CASTOR2: variants seen among roughly 807,000 people sequenced by gnomAD.
The protein encoded by CASTOR2 is GATS protein like 2.
Under a neutral mutation model 31.2 loss-of-function variants are expected in CASTOR2, and 8 were observed. That is an observed-to-expected ratio of 0.26 (90% confidence interval 0.15 to 0.46). The LOEUF (loss-of-function observed/expected upper bound fraction) is 0.46. Ranked by LOEUF, CASTOR2 falls within the 20% of genes least tolerant of loss-of-function variation. The pLI, the probability that CASTOR2 is intolerant of heterozygous loss-of-function variation, is 0.99. For synonymous variants in CASTOR2, 162 were observed against 158.7 expected, an observed-to-expected ratio of 1.02 and a Z score of -0.16; for missense variants, 216 against 382.1, an observed-to-expected ratio of 0.57 and a Z score of 3.62.
Position 75,007,869 on chromosome 7 carries a change from A to G in CASTOR2, c.114-125A>G, listed in dbSNP as rs1197354062. On this transcript the variant is annotated intron_variant, in intron 1 of 8. Transcript: ENST00000616305. The stretch of plus-strand genomic sequence containing the variant: ...AGAGATAAACAACTTACCCGCGGTC[A>G]CCCCAGCAGCCTGGGGCCGGAACTC... 2.5e-4 allele frequency: 341 copies of G among 1,352,036 alleles called. 1 individual carries two copies. The highest frequency in any genetic ancestry group is 9.0e-4 in the Middle Eastern group (5 of 5,582). 83.8% of individuals were successfully genotyped at this position (1,352,036 alleles called of 1,614,324 possible). A position where few individuals can be genotyped will look rare whatever the true frequency, so the allele number is the denominator to read the frequency against.
chr7:74,999,057 G>A (rs1415765469), intron 1 of CASTOR2, among the ~76,000 whole-genome samples: 8 of 151,696 alleles, frequency 5.3e-5, no homozygotes, highest in Admixed American at 2.6e-4. Context: ...GTGCAGTGGC[G>A]CGATCTCAGC....
intron 2 of CASTOR2, among the ~76,000 whole-genome samples, chr7:75,008,867 T>A (rs1420731250): frequency 6.6e-6 from 1 of 152,134 alleles, no homozygotes; most frequent in Non-Finnish European, 1.5e-5. Flanking sequence ...GGAGGATTGC[T>A]TAAACCCAGG....
Position 75,024,421 on chromosome 7 carries a change from A to G in CASTOR2, c.830-19A>G. The G allele has an allele frequency of 6.4e-7, 1 of 1,551,464 alleles. No homozygotes were observed. On this transcript the variant is annotated intron_variant, in intron 7 of 8. Coordinates refer to ENST00000616305, the MANE Select transcript of CASTOR2 (RefSeq NM_001145064.3). ...TAGCCAGGTTACACAGAGGCTAAGG[A>G]CGGTCTCTCCTGTTCTAGATGAGTG...
At chr7:75,001,061 G>A (rs1441135909) in intron 1 of CASTOR2, among the ~76,000 whole-genome samples, 9 of 152,158 alleles carry the variant, frequency 5.9e-5, no homozygotes, top group African/African-American at 2.2e-4. Flanking sequence ...TGACCCTGCA[G>A]GAATCAAGCC....
intron 5 of CASTOR2, among the ~76,000 whole-genome samples, chr7:75,019,617 G>A (rs2131955471): frequency 6.6e-6 from 1 of 152,326 alleles, no homozygotes; most frequent in South Asian, 2.1e-4. Context: ...ACTCCCCACT[G>A]AGCTCCGAGG....
intron 1 of CASTOR2, among the ~76,000 whole-genome samples, chr7:74,972,610 ATTCGTGTTCCTACATGCAGG>A (rs1803701591): frequency 6.7e-6 from 1 of 149,796 alleles, no homozygotes; most frequent in Non-Finnish European, 1.5e-5. Context: ...GCACTGGGTC[ATTCGTGTTCCTACATGCAGG>A]AAATCTTGCA....
At chr7:74,967,558 T>G (rs1803594313) in intron 1 of CASTOR2, among the ~76,000 whole-genome samples, 1 of 120,292 alleles carries the variant, frequency 8.3e-6, no homozygotes, top group Non-Finnish European at 1.8e-5. Context: ...TTTTTTTTTT[T>G]TTTTGAGACT....
intron 1 of CASTOR2, among the ~76,000 whole-genome samples, chr7:74,994,040 C>G (rs1283715150): frequency 6.6e-6 from 1 of 152,220 alleles, no homozygotes; most frequent in Non-Finnish European, 1.5e-5. Flanking sequence ...GGGCCTCACT[C>G]TGTGGGCTTA....
chr7:75,012,071 C>T (rs1165758369), intron 2 of CASTOR2, among the ~76,000 whole-genome samples: 3 of 151,986 alleles, frequency 2.0e-5, no homozygotes, highest in South Asian at 2.1e-4. Context: ...CAAGCCAGGA[C>T]GGAAAGTAGG....
intron 2 of CASTOR2, among the ~76,000 whole-genome samples, chr7:75,016,819 T>C (rs1804873528): frequency 6.6e-6 from 1 of 152,222 alleles, no homozygotes; most frequent in Admixed American, 6.5e-5. Flanking sequence ...TCCTGTGTCA[T>C]CTGAGGGCCT....
intron 1 of CASTOR2, among the ~76,000 whole-genome samples, chr7:74,986,764 G>A (rs1804076141): frequency 6.6e-6 from 1 of 152,186 alleles, no homozygotes; most frequent in Non-Finnish European, 1.5e-5. Flanking sequence ...CAAATGGTTT[G>A]GCCAGGTGCA....
rs1359419026 is a variant in CASTOR2, at chr7:75,018,118, G to T, written c.507G>T (p.Lys169Asn). 5 of 1,613,890 alleles carry T rather than the reference G, an allele frequency of 3.1e-6. No individual in the cohort carries two copies. The African/African-American group carries it at 5.3e-5, about 17-fold the overall frequency. The change falls in exon 4 of 9, where the codon AAG (lysine) becomes AAT (asparagine). Residue 169 changes from lysine (K) to asparagine (N), a missense_variant. Physicochemically the swap from Lys to Asn is moderately conservative, Grantham distance 94. This residue lies in a region of CASTOR2 where 114 missense variants were observed against 194.2 expected (regional missense o/e 0.59). Coordinates refer to ENST00000616305, the MANE Select transcript of CASTOR2 (RefSeq NM_001145064.3). ...LGITNGFVKP[K>N]LVQRPVIHPL... is the part of the protein sequence containing the mutation. ...TCACCAATGGCTTCGTGAAGCCCAA[G>T]CTGGGTGAGCTGGGGGCGGGGGTTT...
At position 75,031,414 on chromosome 7, in the gene CASTOR2, A is replaced by G. The variant is rs1805301443; in HGVS notation, c.*6715A>G. Among the ~76,000 whole-genome samples the G allele has an allele frequency of 6.6e-6, 1 of 152,142 alleles. No homozygotes were observed. The highest frequency in any genetic ancestry group is 1.9e-4 in the East Asian group (1 of 5,202). On this transcript the variant is annotated 3_prime_UTR_variant, in exon 9 of 9. Transcript: ENST00000616305. ...CTTATTTTCTTGTTGAAGAAACACA[A>G]AACCCTCGAGATTCATGTACTGTAT...
At chr7:74,988,838 C>T (rs1294137633) in intron 1 of CASTOR2, among the ~76,000 whole-genome samples, 19 of 149,344 alleles carry the variant, frequency 1.3e-4, no homozygotes, top group South Asian at 8.4e-4. Context: ...TGGCAGCCTG[C>T]GATCTTCTGA....
Position 75,024,839 on chromosome 7 carries a change from T to A in CASTOR2, c.*140T>A, listed in dbSNP as rs1805084364. On this transcript the variant is annotated 3_prime_UTR_variant, in exon 9 of 9. Transcript: ENST00000616305. ...GGCCTCTGTGGGAGACTCCCTCGAT[T>A]GCCAATCCCTCCAGGGCAGGGGCCC... 6.5e-7 allele frequency: 1 copy of A among 1,543,514 alleles called. No individual in the cohort carries two copies. Among genetic ancestry groups the A allele is most frequent in the African/African-American group, 1.4e-5 (1 of 72,680 alleles).
chr7:75,019,950 G>A (rs1804954342), intron 5 of CASTOR2, 89 bp from the exon 6 acceptor site: 4 of 1,269,520 alleles, frequency 3.2e-6, no homozygotes, highest in Non-Finnish European at 4.4e-6. Context: ...TGGCATCAAA[G>A]CCTGGGCAGG....
chr7:74,997,238 T>A (rs1282372884), intron 1 of CASTOR2, among the ~76,000 whole-genome samples: 1 of 151,936 alleles, frequency 6.6e-6, no homozygotes, highest in African/African-American at 2.4e-5. Flanking sequence ...TTTTAGATTA[T>A]TTTTTGTAGA....
intron 2 of CASTOR2, among the ~76,000 whole-genome samples, chr7:75,015,076 G>A (rs1384705313): frequency 6.6e-6 from 1 of 152,194 alleles, no homozygotes; most frequent in Non-Finnish European, 1.5e-5. Flanking sequence ...CTCAGCCAGC[G>A]GGACCAATGG....
In CASTOR2 at chr7:75,024,660, C is replaced by T; in HGVS notation, c.951C>T (p.Val317=). 12 of 1,551,646 alleles carry T rather than the reference C, an allele frequency of 7.7e-6. No individual in the cohort carries two copies. Among genetic ancestry groups the T allele is most frequent in the Non-Finnish European group, 1.0e-5 (12 of 1,146,862 alleles). The change falls in exon 9 of 9, where the codon GTC becomes GTT. Residue 317 remains valine, a synonymous_variant. Transcript: ENST00000616305. ...TCCCCGAAGAGAACATCAATGGTGT[C>T]ATCAGTGCCCTGAAGGTCAGCCAAG... ...ALVPEENING[V]ISALKVSQAE... is the part of the protein sequence containing the mutation.
Sources: allele counts gnomAD v4.1 joint callset (sites outside exome capture counted in the v4.1 genomes callset), GRCh38; gene constraint gnomAD v4.1.1; regional missense constraint gnomAD v4.1.1; transcripts MANE v1.5; gene names NCBI Gene and HGNC (gene_info 2026-07-23, HGNC 2026-07-21).